RERE: variants seen among roughly 807,000 people sequenced by gnomAD.
RERE encodes arginine-glutamic acid dipeptide repeats protein.
Under a neutral mutation model 146.1 loss-of-function variants are expected in RERE, and 40 were observed. The ratio of observed to expected loss-of-function variants is 0.27; its 90% CI spans 0.21 to 0.36. The LOEUF (loss-of-function observed/expected upper bound fraction) is 0.36, where lower values mean the gene tolerates loss of function less well. Among genes scored for constraint, RERE ranks in the 10% least tolerant of loss-of-function variants. The pLI, the probability that RERE is intolerant of heterozygous loss-of-function variation, is 1.00. For missense variants in RERE, 1,933 were observed against 2,138.7 expected, an observed-to-expected ratio of 0.90 and a Z score of 1.90; for synonymous variants, 1,003 against 866.0, an observed-to-expected ratio of 1.16 and a Z score of -2.78.
chr1:8,500,969 T>C (rs1307025944), intron 8 of RERE, among the ~76,000 whole-genome samples: 13 of 108,524 alleles, frequency 1.2e-4, no homozygotes, highest in African/African-American at 4.1e-4. Flanking sequence ...AGCCCCTCCA[T>C]CCGGCAGCCA....
At chr1:8,672,502 A>G (rs938805705) in intron 1 of RERE, among the ~76,000 whole-genome samples, 1 of 152,248 alleles carries the variant, frequency 6.6e-6, no homozygotes, top group Admixed American at 6.5e-5. Flanking sequence ...AGATCAAATT[A>G]TCAAATTCTG....
intron 1 of RERE, among the ~76,000 whole-genome samples, chr1:8,745,235 C>T (rs1039195545): frequency 6.6e-6 from 1 of 152,174 alleles, no homozygotes; most frequent in Non-Finnish European, 1.5e-5. Flanking sequence ...GGGGCTCTTC[C>T]TCCTTTGCTC....
chr1:8,463,477 C>T (rs1374907373), intron 11 of RERE, among the ~76,000 whole-genome samples: 1 of 152,144 alleles, frequency 6.6e-6, no homozygotes, highest in Non-Finnish European at 1.5e-5. Flanking sequence ...CAGCTCACAG[C>T]GACAAATCCT....
chr1:8,587,994 G>A (rs113220235), intron 4 of RERE, among the ~76,000 whole-genome samples: 3,126 of 152,148 alleles, frequency 0.021, 104 homozygotes, highest in African/African-American at 0.072. Context: ...TGCAGATGCC[G>A]TATCTTACTC....
At chr1:8,494,706 C>CA (rs1265715146) in intron 10 of RERE, among the ~76,000 whole-genome samples, 2 of 151,544 alleles carry the variant, frequency 1.3e-5, no homozygotes, top group African/African-American at 4.8e-5. Context: ...GACTCCATCT[C>CA]AAAAAAATAA....
At position 8,385,968 on chromosome 1, in the gene RERE, T is replaced by TAAAA. The variant is rs34493389; in HGVS notation, c.1285-19998_1285-19995dup. 3.4e-3 allele frequency among the ~76,000 whole-genome samples: 32 copies of TAAAA among 9,482 alleles called. 2 individuals carry two copies. Among genetic ancestry groups the TAAAA allele is most frequent in the Non-Finnish European group, 4.2e-3 (26 of 6,194 alleles). The allele number at this position is 9,482 out of a possible 152,430, so 6.2% of individuals were successfully genotyped here. A position where few individuals can be genotyped will look rare whatever the true frequency, so the allele number is the denominator to read the frequency against. On this transcript the variant is annotated intron_variant, in intron 12 of 22. Transcript: ENST00000400908. ...TGGGTGACACAGCAAGACTCCGTCT[T>TAAAA]AAAAAAAAAAAAAAAAAAAAAAAAA...
chr1:8,408,367 G>C (rs1398191994), intron 12 of RERE, among the ~76,000 whole-genome samples: 8 of 152,178 alleles, frequency 5.3e-5, no homozygotes, highest in Admixed American at 3.3e-4. Flanking sequence ...CTTTCAAAGA[G>C]AGCAAGAGGA....
chr1:8,646,662 A>C (rs1647323309), intron 2 of RERE, among the ~76,000 whole-genome samples: 1 of 152,254 alleles, frequency 6.6e-6, no homozygotes, highest in South Asian at 2.1e-4. Context: ...GGTGAGCCCT[A>C]ATCCAATATG....
At chr1:8,355,141 A>G in intron 22 of RERE, 21 bp from the exon 23 acceptor site, 1 of 1,613,358 alleles carries the variant, frequency 6.2e-7, no homozygotes, top group South Asian at 1.1e-5. Context: ...AAAACAGGAA[A>G]GCGTATTTAG....
At chr1:8,360,031 A>AC in intron 18 of RERE, 45 bp from the exon 19 acceptor site, 9 of 1,484,050 alleles carry the variant, frequency 6.1e-6, no homozygotes, top group South Asian at 1.1e-5. Context: ...GCCGAGACCC[A>AC]CCCCGGCCCT....
intron 7 of RERE, among the ~76,000 whole-genome samples, chr1:8,524,165 G>C (rs1014942471): frequency 2.0e-5 from 3 of 152,084 alleles, no homozygotes; most frequent in African/African-American, 7.2e-5. Flanking sequence ...ATGGTATGGG[G>C]TACCTCCCCA....
chr1:8,439,611 T>C (rs1038437747), intron 11 of RERE, among the ~76,000 whole-genome samples: 1 of 152,134 alleles, frequency 6.6e-6, no homozygotes, highest in Non-Finnish European at 1.5e-5. Flanking sequence ...CTCCCTCAGA[T>C]GGAAAGGAGG....
intron 1 of RERE, among the ~76,000 whole-genome samples, chr1:8,797,249 A>G (rs1207406304): frequency 2.6e-5 from 4 of 152,102 alleles, no homozygotes; most frequent in African/African-American, 9.7e-5. Context: ...TCAGTCAAAC[A>G]AATTACTGGT....
intron 4 of RERE, among the ~76,000 whole-genome samples, chr1:8,586,127 G>C (rs12075894): frequency 6.6e-6 from 1 of 152,110 alleles, no homozygotes; most frequent in Non-Finnish European, 1.5e-5. Flanking sequence ...AGATTATCTA[G>C]GTCAAATGAC....
intron 1 of RERE, among the ~76,000 whole-genome samples, chr1:8,766,758 C>T (rs918414280): frequency 6.6e-6 from 1 of 151,940 alleles, no homozygotes; most frequent in Non-Finnish European, 1.5e-5. Context: ...CACAGAAAGA[C>T]ATGTTTGGGA....
Position 8,660,272 on chromosome 1 carries a change from T to G in RERE, c.-144-3831A>C, listed in dbSNP as rs572620643. ...AATTCTTCTGCGCCTTAGTGTACAG[T>G]GATCAACACATACCAATGATGTGAC... On this transcript the variant is annotated intron_variant, in intron 1 of 22. Transcript: ENST00000400908. Among the ~76,000 whole-genome samples the G allele has an allele frequency of 5.3e-5, 8 of 152,204 alleles. No homozygotes were observed. The East Asian group carries it at 1.5e-3, about 29-fold the overall frequency.
rs562887030 is a variant in RERE at position 8,485,350 on chromosome 1, A to G, written c.1104+9713T>C. Among the ~76,000 whole-genome samples the G allele has an allele frequency of 7.9e-5, 12 of 152,252 alleles. No individual in the cohort carries two copies. In the East Asian group the frequency reaches 1.9e-3, roughly 24 times the overall value. ...CACTCCAGCCTGGGGAACAACAGCGAAACTCTGTCTCAAAAAAAAGACATA... is the reference window on the plus strand; with the variant it reads ...CACTCCAGCCTGGGGAACAACAGCGGAACTCTGTCTCAAAAAAAAGACATA... On this transcript the variant is annotated intron_variant, in intron 10 of 22. Coordinates refer to ENST00000400908, the MANE Select transcript of RERE (RefSeq NM_001042681.2).
At chr1:8,796,358 C>G (rs897014207) in intron 1 of RERE, among the ~76,000 whole-genome samples, 6 of 152,110 alleles carry the variant, frequency 3.9e-5, no homozygotes, top group Non-Finnish European at 8.8e-5. Flanking sequence ...GCCACTGACC[C>G]AAGTGTCAGT....
At position 8,423,043 on chromosome 1, in the gene RERE, G is replaced by A. The variant is rs1055487975; in HGVS notation, c.1204-236C>T. 9 of 499,322 alleles carry A rather than the reference G, an allele frequency of 1.8e-5. No homozygotes were observed. The highest frequency in any genetic ancestry group is 3.3e-5 in the Non-Finnish European group (9 of 273,608). The allele number at this position is 499,322 out of a possible 1,614,324, so 30.9% of individuals were successfully genotyped here. ...CCACCACGCAGGGCAGCGCGTTTAA[G>A]AGAAGGACGTCCTGCGTCTGAGGCT... On this transcript the variant is annotated intron_variant, in intron 11 of 22. Transcript: ENST00000400908. This position sits in a 1 kb window ranked among gnomAD's most constrained non-coding sequence, Gnocchi z 5.4.
Sources: allele counts gnomAD v4.1 joint callset (sites outside exome capture counted in the v4.1 genomes callset), GRCh38; gene constraint gnomAD v4.1.1; non-coding constraint Gnocchi (gnomAD v3.1); transcripts MANE v1.5; gene names NCBI Gene and HGNC (gene_info 2026-07-23, HGNC 2026-07-21).